NAV2: variants seen among roughly 807,000 people sequenced by gnomAD.
NAV2 encodes the protein neuron navigator 2.
NAV2 carries 54 observed loss-of-function variants against 223.2 expected under a neutral mutation model. The ratio of observed to expected loss-of-function variants is 0.24; its 90% confidence interval spans 0.19 to 0.30. The LOEUF (loss-of-function observed/expected upper bound fraction) is 0.30. Among genes scored for constraint, NAV2 ranks in the 10% least tolerant of loss-of-function variants. The pLI, the probability that NAV2 is intolerant of heterozygous loss-of-function variation, is 1.00. For missense variants in NAV2, 2,806 were observed against 3,147.5 expected, an observed-to-expected ratio of 0.89 and a Z score of 2.60; for synonymous variants, 1,279 against 1,239.3, an observed-to-expected ratio of 1.03 and a Z score of -0.67.
At chr11:19,985,148 A>G (rs1345033106) in intron 11 of NAV2, among the ~76,000 whole-genome samples, 1 of 152,244 alleles carries the variant, frequency 6.6e-6, no homozygotes, top group Non-Finnish European at 1.5e-5. Context: ...TAGTAGCACA[A>G]CAACAGCTTC....
At chr11:19,981,042 C>T (rs1308490397) in intron 10 of NAV2, among the ~76,000 whole-genome samples, 1 of 152,178 alleles carries the variant, frequency 6.6e-6, no homozygotes, top group Admixed American at 6.5e-5. Context: ...TGCCTGCCCT[C>T]CCTCTACATG....
At chr11:20,024,535 C>T (rs188917452) in intron 11 of NAV2, among the ~76,000 whole-genome samples, 15 of 152,300 alleles carry the variant, frequency 9.8e-5, no homozygotes, top group Admixed American at 3.3e-4. Flanking sequence ...AAGCTATTGG[C>T]GCTAGCTGTT....
At chr11:19,701,961 C>A (rs574118891) in intron 1 of NAV2, among the ~76,000 whole-genome samples, 1 of 152,322 alleles carries the variant, frequency 6.6e-6, no homozygotes, top group African/African-American at 2.4e-5. Context: ...CATCCTTGAG[C>A]TCAGCCAAGG....
At chr11:19,531,789 G>C (rs1037060818) in intron 1 of NAV2, among the ~76,000 whole-genome samples, 2 of 152,198 alleles carry the variant, frequency 1.3e-5, no homozygotes, top group African/African-American at 4.8e-5. Flanking sequence ...TCAAACCAAA[G>C]AGGCCACTGA....
intron 11 of NAV2, among the ~76,000 whole-genome samples, chr11:20,018,167 A>G (rs1280320293): frequency 6.6e-6 from 1 of 152,116 alleles, no homozygotes; most frequent in Admixed American, 6.5e-5. Context: ...CAGCCTGGCC[A>G]ACATGATGAA....
At chr11:19,733,780 G>C (rs142358769) in intron 1 of NAV2, among the ~76,000 whole-genome samples, 2 of 152,246 alleles carry the variant, frequency 1.3e-5, no homozygotes, top group Non-Finnish European at 2.9e-5. Flanking sequence ...AAAGGATGAA[G>C]ACTGGAGGCC....
chr11:19,956,665 C>T (rs1441953409), intron 10 of NAV2, among the ~76,000 whole-genome samples: 5 of 152,152 alleles, frequency 3.3e-5, no homozygotes, highest in African/African-American at 1.2e-4. Context: ...AGCTTCCATG[C>T]CCTCTCCATG....
chr11:20,055,464 A>G (rs1029094274), intron 18 of NAV2, among the ~76,000 whole-genome samples: 1 of 152,190 alleles, frequency 6.6e-6, no homozygotes, highest in Non-Finnish European at 1.5e-5. Flanking sequence ...AGAGAAAATC[A>G]TTCCAGATGA....
chr11:19,523,246 C>G (rs933861714), intron 1 of NAV2, among the ~76,000 whole-genome samples: 3 of 152,220 alleles, frequency 2.0e-5, no homozygotes, highest in Non-Finnish European at 2.9e-5. Context: ...CTGCCCGGTC[C>G]TCCTGTGTGC....
intron 1 of NAV2, among the ~76,000 whole-genome samples, chr11:19,496,248 C>T (rs1180480533): frequency 6.6e-6 from 1 of 152,044 alleles, no homozygotes; most frequent in Non-Finnish European, 1.5e-5. Flanking sequence ...AATAAATTAC[C>T]CTCAAAACTT....
intron 1 of NAV2, among the ~76,000 whole-genome samples, chr11:19,625,239 C>G (rs765848023): frequency 1.2e-4 from 19 of 152,194 alleles, no homozygotes; most frequent in Non-Finnish European, 2.2e-4. Flanking sequence ...CCTTCTTAGT[C>G]TCTAGTATCC....
chr11:19,613,221 T>G lies in NAV2; in HGVS notation c.76-219263T>G, dbSNP rs141874286. On this transcript the variant is annotated intron_variant, in intron 1 of 37. Transcript: ENST00000360655. ...GATGCAATTCAAGTGGAGATTTTGG[T>G]GGGGACACAGCCAAATCACACCAGG... 7.8e-3 allele frequency among the ~76,000 whole-genome samples: 1,189 copies of G among 152,024 alleles called. 20 individuals carry two copies. The highest frequency in any genetic ancestry group is 0.039 in the East Asian group (201 of 5,160).
rs899015214 is a variant in NAV2, at chr11:19,415,339, A to C, written c.75+64312A>C. ...CACCTCTACGCAAATAAACTGGAAAATCTAGAAGAAATAGATAAATTCCTG... is the reference window on the plus strand; with the variant it reads ...CACCTCTACGCAAATAAACTGGAAACTCTAGAAGAAATAGATAAATTCCTG... On this transcript the variant is annotated intron_variant, in intron 1 of 37. Coordinates refer to the NAV2 transcript ENST00000360655. Among the ~76,000 whole-genome samples, 9 of 152,352 alleles carry C rather than the reference A, an allele frequency of 5.9e-5. No individual in the cohort carries two copies. In the South Asian group the frequency reaches 1.9e-3, roughly 32 times the overall value.
At chr11:19,349,430 G>C (rs1306341354), upstream of NAV2, among the ~76,000 whole-genome samples, 2 of 152,134 alleles carry the variant, frequency 1.3e-5, no homozygotes, top group Non-Finnish European at 2.9e-5. Flanking sequence ...TTTGTGATAG[G>C]GGATGGCTTC....
At chr11:20,113,168 C>G (rs2062780865) in intron 36 of NAV2, among the ~76,000 whole-genome samples, 3 of 152,220 alleles carry the variant, frequency 2.0e-5, no homozygotes, top group African/African-American at 7.2e-5. Flanking sequence ...GTTTCCAATT[C>G]TGGCTTCTCT....
rs1435801647 is a variant in NAV2 at position 19,379,306 on chromosome 11, A to G, written c.75+28279A>G. Among the ~76,000 whole-genome samples, 3 of 152,188 alleles carry G rather than the reference A, an allele frequency of 2.0e-5. No individual in the cohort carries two copies. In the East Asian group the frequency reaches 5.8e-4, roughly 29 times the overall value. ...GGAAGTAATAAGGTGGAAAAGTCAG[A>G]GGGGTCAGAGAGAGAACTATTAATA... is the stretch of plus-strand genomic sequence containing the variant. On this transcript the variant is annotated intron_variant, in intron 1 of 37. Transcript: ENST00000360655.
Position 19,553,965 on chromosome 11 carries a change from C to T in NAV2, c.75+202938C>T, listed in dbSNP as rs1364848881. Among the ~76,000 whole-genome samples, 4 of 152,188 alleles carry T rather than the reference C, an allele frequency of 2.6e-5. No homozygotes were observed. In the East Asian group the frequency reaches 5.8e-4, roughly 22 times the overall value. ...GTTTGGGTGGACTCAAAGGGCTTCA[C>T]GCCCAGTAGAAAAAGAGGCTGCTTT... On this transcript the variant is annotated intron_variant, in intron 1 of 37. Coordinates refer to the NAV2 transcript ENST00000360655.
intron 1 of NAV2, chr11:19,506,852 A>C (rs1284697870): frequency 6.6e-6 from 1 of 152,172 alleles, no homozygotes; most frequent in Non-Finnish European, 1.5e-5. Context: ...CTCACTGATA[A>C]ATGGACATGT....
intron 6 of NAV2, among the ~76,000 whole-genome samples, chr11:19,908,483 C>T (rs2043055375): frequency 6.6e-6 from 1 of 152,190 alleles, no homozygotes; most frequent in South Asian, 2.1e-4. Flanking sequence ...TGCCTCTATC[C>T]TCTGCAGCAC....
Sources: gnomAD v4.1 joint callset for allele counts (sites outside exome capture counted in the v4.1 genomes callset) on GRCh38, gnomAD v4.1.1 for gene constraint, MANE v1.5 for transcripts, NCBI Gene and HGNC (gene_info 2026-07-23, HGNC 2026-07-21) for gene names.